The following DGKI variants were observed in gnomAD, a reference collection of about 807,000 sequenced individuals.
DGKI encodes the protein diacylglycerol kinase iota.
A neutral mutation model predicts 147.5 loss-of-function variants in DGKI; 55 were observed. The ratio of observed to expected loss-of-function variants is 0.37; its 90% CI spans 0.30 to 0.47. The LOEUF is 0.47. Among genes scored for constraint, DGKI ranks in the 20% least tolerant of loss-of-function variants. The pLI, the probability that DGKI is intolerant of heterozygous loss-of-function variation, is 1.00. For missense variants in DGKI, 1,007 were observed against 1,323.8 expected (o/e 0.76, Z 3.71); for synonymous variants, 469 against 477.1 (o/e 0.98, Z 0.22).
intron 28 of DGKI, among the ~76,000 whole-genome samples, chr7:137,430,185 A>C (rs1813003462): frequency 6.8e-6 from 1 of 146,738 alleles, no homozygotes; most frequent in South Asian, 2.3e-4. Context: ...CTGGGTTAAG[A>C]AAATGTGGCA....
At chr7:137,672,311 T>G (rs1260746212) in intron 3 of DGKI, among the ~76,000 whole-genome samples, 7 of 152,238 alleles carry the variant, frequency 4.6e-5, no homozygotes, top group Non-Finnish European at 8.8e-5. Flanking sequence ...AAGCTCTGGA[T>G]AGTGAGTAAG....
At chr7:137,766,982 T>A (rs995393328) in intron 1 of DGKI, among the ~76,000 whole-genome samples, 2 of 152,124 alleles carry the variant, frequency 1.3e-5, no homozygotes, top group African/African-American at 4.8e-5. Flanking sequence ...AGATCTGTGA[T>A]CCTAGGCCAC....
chr7:137,384,199 A>G lies in DGKI; in HGVS notation c.*7021T>C, dbSNP rs35491113. 6.6e-6 allele frequency: 1 copy of G among 152,024 alleles called. No individual in the cohort carries two copies. The highest frequency in any genetic ancestry group is 2.4e-5 in the African/African-American group (1 of 41,412). The allele number at this position is 152,024 out of a possible 1,614,324, so 9.4% of individuals were successfully genotyped here. The stretch of plus-strand genomic sequence containing the variant: ...TAACATTTTTTAAATGCTGAGAATC[A>G]CAAATAAGTTAAAGAAGCCATTAAC... On this transcript the variant is annotated 3_prime_UTR_variant, in exon 33 of 33. Coordinates refer to ENST00000614521, the MANE Select transcript of DGKI (RefSeq NM_001321708.2).
At chr7:137,391,396 G>T in intron 32 of DGKI, 60 bp from the exon 33 acceptor site, 1 of 1,212,608 alleles carries the variant, frequency 8.2e-7, no homozygotes, top group Non-Finnish European at 1.2e-6. Context: ...AGCGCTAGTC[G>T]TGAAATACAA....
intron 1 of DGKI, among the ~76,000 whole-genome samples, chr7:137,838,427 A>C (rs1798451231): frequency 6.6e-6 from 1 of 152,188 alleles, no homozygotes; most frequent in African/African-American, 2.4e-5. Flanking sequence ...TGATACACGG[A>C]ACCCTTTCCG....
At chr7:137,598,731 C>T (rs1164088132) in intron 11 of DGKI, among the ~76,000 whole-genome samples, 4 of 152,008 alleles carry the variant, frequency 2.6e-5, no homozygotes, top group Non-Finnish European at 5.9e-5. Flanking sequence ...ATGTTCTTTA[C>T]GGTGACCTCT....
intron 19 of DGKI, among the ~76,000 whole-genome samples, chr7:137,558,795 C>T (rs1403924627): frequency 2.5e-5 from 3 of 121,090 alleles, no homozygotes; most frequent in African/African-American, 4.2e-5. Flanking sequence ...GTGATCCACC[C>T]ACCTTGGCCT....
At chr7:137,783,547 A>C (rs190829873) in intron 1 of DGKI, among the ~76,000 whole-genome samples, 1 of 152,378 alleles carries the variant, frequency 6.6e-6, no homozygotes, top group East Asian at 1.9e-4. Context: ...AGTTTGGAAA[A>C]CATATCTGAG....
intron 1 of DGKI, among the ~76,000 whole-genome samples, chr7:137,829,883 G>A (rs771052057): frequency 2.0e-5 from 3 of 152,168 alleles, no homozygotes; most frequent in African/African-American, 7.2e-5. Flanking sequence ...ACTAGCAGCA[G>A]GGTCAAAAGG....
intron 23 of DGKI, among the ~76,000 whole-genome samples, chr7:137,478,468 T>C (rs148902891): frequency 4.1e-4 from 62 of 152,308 alleles, no homozygotes; most frequent in Middle Eastern, 6.8e-3. Context: ...AAGTGAGTGA[T>C]AGTGATGTTA....
rs117851008 is a variant in DGKI at position 137,568,132 on chromosome 7, G to C, written c.1947+3043C>G. Among the ~76,000 whole-genome samples the C allele has an allele frequency of 3.3e-3, 495 of 152,180 alleles. 3 individuals are homozygous for C. The highest frequency in any genetic ancestry group is 5.9e-3 in the Non-Finnish European group (398 of 68,018). On this transcript the variant is annotated intron_variant, in intron 19 of 32. Coordinates refer to ENST00000614521, the MANE Select transcript of DGKI (RefSeq NM_001321708.2). ...GAATAAAGTAAATGCTCCTAGATCA[G>C]TGCTGTGATGCACTCTATGATCTGG...
At chr7:137,709,736 AG>A (rs1794159738) in intron 1 of DGKI, among the ~76,000 whole-genome samples, 1 of 152,166 alleles carries the variant, frequency 6.6e-6, no homozygotes, top group African/African-American at 2.4e-5. Context: ...AGAATGAAAA[AG>A]AATCAATGAG....
chr7:137,631,335 A>AAT lies in DGKI; in HGVS notation c.805-7783_805-7782dup, dbSNP rs569433176. 1.9e-4 allele frequency among the ~76,000 whole-genome samples: 29 copies of AAT among 152,328 alleles called. 1 individual carries two copies. In the South Asian group the frequency reaches 5.2e-3, roughly 27 times the overall value. On this transcript the variant is annotated intron_variant, in intron 6 of 32. Transcript: ENST00000614521. Reference sequence around the variant, plus strand: ...TTATGTCAAGGTGACATTAGCATGTAATATATGCCTTAGAGGGAGAAAAGA... The same window carrying AAT: ...TTATGTCAAGGTGACATTAGCATGTAATATATATGCCTTAGAGGGAGAAAAGA...
intron 16 of DGKI, among the ~76,000 whole-genome samples, chr7:137,577,895 C>T (rs897337276): frequency 1.9e-4 from 29 of 152,214 alleles, no homozygotes; most frequent in African/African-American, 7.0e-4. Context: ...AATGTGCGCA[C>T]CCTGGTGAAA....
chr7:137,683,258 T>C (rs557818500), intron 2 of DGKI, among the ~76,000 whole-genome samples: 9 of 152,126 alleles, frequency 5.9e-5, no homozygotes, highest in African/African-American at 2.2e-4. Flanking sequence ...GATGTTTCCC[T>C]ATTTATAAAA....
chr7:137,756,490 G>A (rs927208419), intron 1 of DGKI, among the ~76,000 whole-genome samples: 2 of 152,192 alleles, frequency 1.3e-5, no homozygotes, highest in Non-Finnish European at 2.9e-5. Context: ...TACAATGTGA[G>A]AAAGTAAGAT....
At chr7:137,683,547 A>T (rs762383013) in intron 2 of DGKI, among the ~76,000 whole-genome samples, 63 of 151,884 alleles carry the variant, frequency 4.1e-4, no homozygotes, top group Non-Finnish European at 8.2e-4. Flanking sequence ...GCTCCCTGTC[A>T]CTCTTCTTGA....
chr7:137,737,201 C>T (rs1795047443), intron 1 of DGKI, among the ~76,000 whole-genome samples: 1 of 102,366 alleles, frequency 9.8e-6, no homozygotes. Context: ...TGCCTCATTT[C>T]ACCAAAAAAA....
At chr7:137,519,291 G>A (rs1038881819) in intron 21 of DGKI, among the ~76,000 whole-genome samples, 11 of 152,132 alleles carry the variant, frequency 7.2e-5, no homozygotes, top group African/African-American at 1.2e-4. Flanking sequence ...CATTATGGAC[G>A]GAAGATGGGC....
Sources: allele counts gnomAD v4.1 joint callset (sites outside exome capture counted in the v4.1 genomes callset), GRCh38; gene constraint gnomAD v4.1.1; transcripts MANE v1.5; gene names NCBI Gene and HGNC (gene_info 2026-07-23, HGNC 2026-07-21).